CDH18: variants seen among roughly 807,000 people sequenced by gnomAD.
CDH18 encodes the protein cadherin-18.
Under a neutral mutation model 67.9 loss-of-function variants are expected in CDH18, and 31 were observed. That is an observed-to-expected ratio of 0.46 (90% confidence interval 0.34 to 0.62). The LOEUF is 0.62. Among genes scored for constraint, CDH18 ranks in the 20% least tolerant of loss-of-function variants. The probability of loss-of-function intolerance (pLI) is 0.01; values close to 1 mark genes in which losing one functional copy is unlikely to be tolerated. For synonymous variants in CDH18, 362 were observed against 347.2 expected (o/e 1.04, Z -0.48); for missense variants, 890 against 975.5 (o/e 0.91, Z 1.17).
intron 1 of CDH18, among the ~76,000 whole-genome samples, chr5:20,558,043 A>AAATGTTATAGTTATATAAC (rs1416966560): frequency 3.0e-4 from 45 of 147,882 alleles, no homozygotes; most frequent in African/African-American, 1.0e-3. Context: ...ATATAACATT[A>AAATGTTATAGTTATATAAC]ATTGTTATAT....
chr5:19,944,154 C>T (rs1281675468), intron 2 of CDH18, among the ~76,000 whole-genome samples: 1 of 152,018 alleles, frequency 6.6e-6, no homozygotes, highest in East Asian at 1.9e-4. Context: ...GATGATTGTT[C>T]GTTTCCCACT....
At chr5:20,512,290 A>G (rs1014109096) in intron 1 of CDH18, among the ~76,000 whole-genome samples, 1 of 152,056 alleles carries the variant, frequency 6.6e-6, no homozygotes, top group Non-Finnish European at 1.5e-5. Flanking sequence ...TAATTTGATA[A>G]TTTATATTAG....
chr5:19,924,936 C>G (rs1250447207), intron 2 of CDH18, among the ~76,000 whole-genome samples: 1 of 152,154 alleles, frequency 6.6e-6, no homozygotes, highest in Admixed American at 6.6e-5. Flanking sequence ...TTGAACAAGG[C>G]AGGGATTGGG....
intron 1 of CDH18, among the ~76,000 whole-genome samples, chr5:20,298,145 CCTTT>C (rs1327837339): frequency 2.0e-5 from 3 of 152,096 alleles, no homozygotes; most frequent in Non-Finnish European, 2.9e-5. Flanking sequence ...AGAACCAAGA[CCTTT>C]CTTTAACTTT....
At chr5:20,533,732 A>C (rs1756550692) in intron 1 of CDH18, among the ~76,000 whole-genome samples, 1 of 152,110 alleles carries the variant, frequency 6.6e-6, no homozygotes, top group African/African-American at 2.4e-5. Context: ...TACATTGTAA[A>C]TATTGATATA....
intron 1 of CDH18, among the ~76,000 whole-genome samples, chr5:20,285,538 T>G (rs1239543833): frequency 6.6e-6 from 1 of 151,166 alleles, no homozygotes; most frequent in Non-Finnish European, 1.5e-5. Flanking sequence ...TGATTTTCAT[T>G]TTATTTTCTC....
chr5:20,277,186 A>C (rs1396440026), intron 1 of CDH18, among the ~76,000 whole-genome samples: 1 of 152,138 alleles, frequency 6.6e-6, no homozygotes, highest in Non-Finnish European at 1.5e-5. Flanking sequence ...TGGTTACTGC[A>C]GGCCTTCGGT....
At chr5:19,968,252 A>C (rs1797664580) in intron 2 of CDH18, among the ~76,000 whole-genome samples, 1 of 151,766 alleles carries the variant, frequency 6.6e-6, no homozygotes, top group Non-Finnish European at 1.5e-5. Flanking sequence ...ATATCGTGAA[A>C]ATGGCCATAC....
intron 11 of CDH18, among the ~76,000 whole-genome samples, chr5:19,494,772 T>C (rs923254104): frequency 3.3e-5 from 5 of 152,210 alleles, no homozygotes; most frequent in Non-Finnish European, 5.9e-5. Flanking sequence ...TGAGTCAGCA[T>C]CTAAATATCT....
intron 1 of CDH18, among the ~76,000 whole-genome samples, chr5:20,484,444 A>G (rs1244940160): frequency 6.6e-6 from 1 of 152,078 alleles, no homozygotes; most frequent in African/African-American, 2.4e-5. Flanking sequence ...AACCAAAACA[A>G]AGAAAATCAG....
intron 1 of CDH18, among the ~76,000 whole-genome samples, chr5:20,294,836 T>C (rs192742410): frequency 1.4e-4 from 22 of 152,276 alleles, no homozygotes; most frequent in Admixed American, 5.2e-4. Context: ...CATATATATA[T>C]ACACACATAC....
At chr5:20,260,966 T>C (rs1032153513) in intron 1 of CDH18, among the ~76,000 whole-genome samples, 5 of 152,208 alleles carry the variant, frequency 3.3e-5, no homozygotes, top group Admixed American at 6.5e-5. Context: ...AGCCTTGTGA[T>C]AGCCAGGTAA....
intron 7 of CDH18, among the ~76,000 whole-genome samples, chr5:19,584,932 C>T (rs942264662): frequency 2.7e-5 from 4 of 150,732 alleles, no homozygotes; most frequent in East Asian, 1.9e-4. Context: ...GGGACCGAGG[C>T]GGCAGTGAGT....
chr5:20,020,235 G>A (rs980636498), intron 2 of CDH18, among the ~76,000 whole-genome samples: 1 of 152,162 alleles, frequency 6.6e-6, no homozygotes, highest in Non-Finnish European at 1.5e-5. Context: ...TAAAAGGGAA[G>A]CAGAGCATAA....
At chr5:19,992,689 T>C (rs1290273803), upstream of CDH18, among the ~76,000 whole-genome samples, 1 of 152,018 alleles carries the variant, frequency 6.6e-6, no homozygotes, top group African/African-American at 2.4e-5. Context: ...TGCATTACAT[T>C]CACAAATAAG....
chr5:20,310,008 T>A (rs1736848486), intron 1 of CDH18, among the ~76,000 whole-genome samples: 1 of 152,182 alleles, frequency 6.6e-6, no homozygotes, highest in South Asian at 2.1e-4. Context: ...TTTTTTTCAC[T>A]GTGTGTCCCC....
chr5:20,442,983 G>C (rs1306390129), intron 1 of CDH18, among the ~76,000 whole-genome samples: 5 of 151,552 alleles, frequency 3.3e-5, no homozygotes, highest in Admixed American at 6.6e-5. Flanking sequence ...GCCGAGGCGG[G>C]CGGATCACGA....
At chr5:19,674,249 C>T (rs756061568) in intron 5 of CDH18, among the ~76,000 whole-genome samples, 14 of 151,888 alleles carry the variant, frequency 9.2e-5, no homozygotes, top group African/African-American at 3.4e-4. Context: ...AATGAAAGAC[C>T]TGTATTAAAA....
chr5:19,863,324 C>G (rs983852334), intron 2 of CDH18, among the ~76,000 whole-genome samples: 2 of 152,142 alleles, frequency 1.3e-5, no homozygotes, highest in Non-Finnish European at 2.9e-5. Context: ...GTCAAAATAT[C>G]AGATACACAA....
Sources: gnomAD v4.1 joint callset for allele counts (sites outside exome capture counted in the v4.1 genomes callset) on GRCh38, gnomAD v4.1.1 for gene constraint, MANE v1.5 for transcripts, NCBI Gene and HGNC (gene_info 2026-07-23, HGNC 2026-07-21) for gene names.